The following DIAPH3 variants were observed in gnomAD, a reference collection of about 807,000 sequenced individuals.
DIAPH3 encodes diaphanous related formin 3.
DIAPH3 carries 117 observed loss-of-function variants against 144.3 expected under a neutral mutation model. That is an observed-to-expected ratio of 0.81 (90% CI 0.70 to 0.95). DIAPH3 has a LOEUF of 0.95. Among genes scored for constraint, DIAPH3 ranks in the 40% least tolerant of loss-of-function variants. The pLI, the probability that DIAPH3 is intolerant of heterozygous loss-of-function variation, is 0.00. For missense variants in DIAPH3, 1,421 were observed against 1,412.7 expected (o/e 1.01, Z -0.09); for synonymous variants, 519 against 488.9 (o/e 1.06, Z -0.81).
chr13:60,024,172 T>C (rs2054227925), intron 5 of DIAPH3, among the ~76,000 whole-genome samples: 1 of 152,106 alleles, frequency 6.6e-6, no homozygotes, highest in African/African-American at 2.4e-5. Flanking sequence ...CCATTATTTC[T>C]TCATGTACTT....
intron 1 of DIAPH3, among the ~76,000 whole-genome samples, chr13:60,139,872 TC>T (rs2059388212): frequency 6.6e-6 from 1 of 152,184 alleles, no homozygotes; most frequent in Admixed American, 6.5e-5. Context: ...CTATTTCAGT[TC>T]TTTTCACCTA....
At chr13:60,001,222 G>C (rs2052513324) in intron 9 of DIAPH3, among the ~76,000 whole-genome samples, 1 of 152,124 alleles carries the variant, frequency 6.6e-6, no homozygotes, top group African/African-American at 2.4e-5. Context: ...CTCTCCTACA[G>C]CACATCCTGC....
At chr13:60,010,693 G>T (rs769169070) in intron 7 of DIAPH3, 24 bp from the exon 8 acceptor site, 3 of 1,607,314 alleles carry the variant, frequency 1.9e-6, no homozygotes, top group Non-Finnish European at 2.6e-6. Flanking sequence ...AAAATAAGAG[G>T]TCAAATGTTA....
At chr13:60,035,090 T>G in intron 5 of DIAPH3, among the ~76,000 whole-genome samples, 1 of 152,240 alleles carries the variant, frequency 6.6e-6, no homozygotes, top group East Asian at 1.9e-4. Context: ...ACAGCATATA[T>G]AGATATAGAT....
At chr13:60,162,980 A>C (rs1377839256) in intron 1 of DIAPH3, among the ~76,000 whole-genome samples, 2 of 152,168 alleles carry the variant, frequency 1.3e-5, no homozygotes, top group African/African-American at 4.8e-5. Flanking sequence ...ATCACTGCCT[A>C]TACTTTCACT....
chr13:59,941,760 A>G lies in DIAPH3; in HGVS notation c.2075-16890T>C, dbSNP rs534383733. Among the ~76,000 whole-genome samples, 42 of 152,264 alleles carry G rather than the reference A, an allele frequency of 2.8e-4. No individual in the cohort carries two copies. The Middle Eastern group carries it at 0.01, about 37-fold the overall frequency. On this transcript the variant is annotated intron_variant, in intron 17 of 27. Coordinates refer to ENST00000400324, the MANE Select transcript of DIAPH3 (RefSeq NM_001042517.2). ...CAACTGAAAAATTCTCATTGGATAT[A>G]AAATCCCCTGCAACTCAATTAGGAA...
At chr13:59,753,262 C>T (rs975965814) in intron 27 of DIAPH3, among the ~76,000 whole-genome samples, 11 of 152,244 alleles carry the variant, frequency 7.2e-5, no homozygotes, top group East Asian at 1.9e-4. Flanking sequence ...TCAAGAAATT[C>T]GATATCTGAG....
chr13:60,035,658 T>C (rs1278387171), intron 5 of DIAPH3, among the ~76,000 whole-genome samples: 1 of 152,200 alleles, frequency 6.6e-6, no homozygotes, highest in African/African-American at 2.4e-5. Context: ...ATGCTACTTG[T>C]CATAAACATT....
intron 17 of DIAPH3, among the ~76,000 whole-genome samples, chr13:59,956,791 C>T (rs2049431725): frequency 6.6e-6 from 1 of 152,180 alleles, no homozygotes; most frequent in South Asian, 2.1e-4. Context: ...TAGAGATGTA[C>T]CCTGCAAGAC....
rs542683195 is a variant in DIAPH3 at position 59,793,628 on chromosome 13, C to A, written c.3163+17160G>T. Among the ~76,000 whole-genome samples, 10 of 152,276 alleles carry A rather than the reference C, an allele frequency of 6.6e-5. No homozygotes were observed. In the South Asian group the frequency reaches 1.9e-3, roughly 28 times the overall value. On this transcript the variant is annotated intron_variant, in intron 25 of 27. Coordinates refer to ENST00000400324, the MANE Select transcript of DIAPH3 (RefSeq NM_001042517.2). ...CATGTGACTCCCTTGTCAAGGTCCT[C>A]TTCTGGGATCTTCTTACTCTGCTCA...
intron 27 of DIAPH3, among the ~76,000 whole-genome samples, chr13:59,728,603 A>G (rs1267477622): frequency 6.6e-6 from 1 of 152,072 alleles, no homozygotes; most frequent in Admixed American, 6.6e-5. Context: ...ATTAAAAATA[A>G]AGTTATAAAA....
At chr13:59,726,684 C>G (rs1305624821) in intron 27 of DIAPH3, among the ~76,000 whole-genome samples, 3 of 152,114 alleles carry the variant, frequency 2.0e-5, no homozygotes, top group African/African-American at 7.2e-5. Flanking sequence ...GTGACCCTTC[C>G]CTCATAAGGG....
Position 60,116,815 on chromosome 13 carries a change from T to C in DIAPH3, c.214-4629A>G, listed in dbSNP as rs184063724. 1.5e-4 allele frequency among the ~76,000 whole-genome samples: 23 copies of C among 152,172 alleles called. No homozygotes were observed. In the East Asian group the frequency reaches 3.3e-3, roughly 22 times the overall value. On this transcript the variant is annotated intron_variant, in intron 2 of 27. Transcript: ENST00000400324. ...TAATTTTCACCAAAAACCAAAACTT[T>C]TTTTAAAAAGAATCTCTAAAGTCAT...
rs779850464 is a variant in DIAPH3, at chr13:59,833,221, G to A, written c.2913C>T (p.His971=). ...TCTGGTATAACTTTTCCATGTTTTC[G>A]TGTAACTTCGAAAGTGTCTCATATT... The part of the protein sequence containing the change: ...KEQYETLSKL[H]ENMEKLYQSI... Residue 971 remains histidine, a synonymous_variant, in exon 24 of 28, where the codon CAC becomes CAT. Coordinates refer to ENST00000400324, the MANE Select transcript of DIAPH3 (RefSeq NM_001042517.2). The A allele has an allele frequency of 5.3e-5, 86 of 1,609,228 alleles. No homozygotes were observed. Among genetic ancestry groups the A allele is most frequent in the Admixed American group, 1.0e-4 (6 of 59,600 alleles).
At chr13:59,872,867 G>A (rs183548490) in intron 21 of DIAPH3, among the ~76,000 whole-genome samples, 74 of 152,316 alleles carry the variant, frequency 4.9e-4, no homozygotes, top group Non-Finnish European at 9.7e-4. Flanking sequence ...TGCTATGAGA[G>A]CAGGAAGATG....
intron 18 of DIAPH3, among the ~76,000 whole-genome samples, chr13:59,917,223 C>T (rs979228923): frequency 1.3e-5 from 2 of 151,984 alleles, no homozygotes; most frequent in African/African-American, 4.8e-5. Context: ...AAATTCAATC[C>T]ACAGTAGGTT....
intron 15 of DIAPH3, among the ~76,000 whole-genome samples, chr13:59,972,789 C>T (rs1035853978): frequency 6.6e-6 from 1 of 152,102 alleles, no homozygotes; most frequent in Admixed American, 6.6e-5. Context: ...GTTTGGGAGG[C>T]CAGACACTGT....
chr13:59,755,690 A>G (rs2037219893), intron 27 of DIAPH3, among the ~76,000 whole-genome samples: 2 of 152,180 alleles, frequency 1.3e-5, no homozygotes, highest in African/African-American at 2.4e-5. Context: ...AATCACAAAG[A>G]GAGTTTCAAA....
At chr13:59,737,604 C>T (rs563741210) in intron 27 of DIAPH3, among the ~76,000 whole-genome samples, 3 of 152,126 alleles carry the variant, frequency 2.0e-5, no homozygotes, top group East Asian at 1.9e-4. Context: ...CCCCAACATA[C>T]GTGGACTTAT....
Sources: allele counts gnomAD v4.1 joint callset (sites outside exome capture counted in the v4.1 genomes callset), GRCh38; gene constraint gnomAD v4.1.1; transcripts MANE v1.5; gene names NCBI Gene and HGNC (gene_info 2026-07-23, HGNC 2026-07-21).